The following N4BP2 variants were observed in gnomAD, a reference collection of about 807,000 sequenced individuals.
N4BP2 encodes the protein NEDD4 binding protein 2.
N4BP2 carries 91 observed loss-of-function variants against 152.8 expected under a neutral mutation model. The observed-to-expected ratio is 0.60, with a 90% CI of 0.50 to 0.71. The LOEUF is 0.71. N4BP2 is among the 30% of genes least tolerant of loss of function. The pLI, the probability that N4BP2 is intolerant of heterozygous loss-of-function variation, is 0.00. For missense variants in N4BP2, 1,923 were observed against 2,059.1 expected (o/e 0.93, Z 1.28); for synonymous variants, 646 against 705.3 (o/e 0.92, Z 1.33).
intron 1 of N4BP2, among the ~76,000 whole-genome samples, chr4:40,063,991 T>G (rs907720822): frequency 6.6e-6 from 1 of 150,906 alleles, no homozygotes; most frequent in African/African-American, 2.4e-5. Context: ...CAGGGGGGGG[T>G]CTCACTATGT....
chr4:40,125,455 C>T (rs1490545121), intron 11 of N4BP2, among the ~76,000 whole-genome samples: 1 of 152,208 alleles, frequency 6.6e-6, no homozygotes, highest in Non-Finnish European at 1.5e-5. Context: ...GTGGCCAGAG[C>T]AGACTGTAGC....
At chr4:40,077,265 A>T (rs528152079) in intron 2 of N4BP2, among the ~76,000 whole-genome samples, 1 of 151,420 alleles carries the variant, frequency 6.6e-6, no homozygotes, top group South Asian at 2.1e-4. Flanking sequence ...GGTTCAAGCA[A>T]TTCTCCTGAG....
intron 1 of N4BP2, among the ~76,000 whole-genome samples, chr4:40,073,217 G>A (rs1464732126): frequency 6.6e-6 from 1 of 152,134 alleles, no homozygotes; most frequent in Non-Finnish European, 1.5e-5. Flanking sequence ...CCTGGAATTA[G>A]TGTTCTACTT....
At position 40,114,460 on chromosome 4, in the gene N4BP2, A is replaced by G. The variant is rs143842335; in HGVS notation, c.1664+952A>G. Among the ~76,000 whole-genome samples the G allele has an allele frequency of 2.4e-3, 370 of 152,302 alleles. 1 individual carries two copies. The highest frequency in any genetic ancestry group is 8.6e-3 in the African/African-American group (356 of 41,578). ...GGTTTTCCTGTTGCGTATACTGCATATAAATGGAACATACAATATGTGGCT... is the reference window on the plus strand; with the variant it reads ...GGTTTTCCTGTTGCGTATACTGCATGTAAATGGAACATACAATATGTGGCT... On this transcript the variant is annotated intron_variant, in intron 7 of 17. Coordinates refer to ENST00000261435, the MANE Select transcript of N4BP2 (RefSeq NM_018177.6).
At position 40,120,333 on chromosome 4, in the gene N4BP2, A is replaced by G. The variant is rs967743258; in HGVS notation, c.2222A>G (p.Asn741Ser). 1.2e-6 allele frequency: 2 copies of G among 1,612,574 alleles called. No individual in the cohort carries two copies. Among genetic ancestry groups the G allele is most frequent in the African/African-American group, 2.7e-5 (2 of 74,704 alleles). The change falls in exon 9 of 18, where the codon AAT (asparagine) becomes AGT (serine). Residue 741 changes from asparagine (N) to serine (S), a missense_variant. Asn to Ser is a conservative substitution (Grantham distance 46). Transcript: ENST00000261435. ...AATCAAGAAGACTGTGATCTTGCAA[A>G]TAGTGGACCACTTCAAAATGAAAAA... ...ENNQEDCDLA[N>S]SGPLQNEKSS...
intron 2 of N4BP2, among the ~76,000 whole-genome samples, chr4:40,094,678 G>A (rs1207877602): frequency 6.6e-6 from 1 of 151,804 alleles, no homozygotes. Context: ...TTAGCCTCTC[G>A]AGTAGCTGGG....
Position 40,157,357 on chromosome 4 carries a change from C to T in N4BP2, c.*3120C>T, listed in dbSNP as rs965654398. On this transcript the variant is annotated 3_prime_UTR_variant, in exon 18 of 18. Coordinates refer to ENST00000261435, the MANE Select transcript of N4BP2 (RefSeq NM_018177.6). ...TATAGCAGAAATTTTGACTTTAAAT[C>T]CTCTTGAGTAGTATATTTTGAGAAG... 2 of 151,992 alleles carry T rather than the reference C, an allele frequency of 1.3e-5. No individual in the cohort carries two copies. Among genetic ancestry groups the T allele is most frequent in the Admixed American group, 1.3e-4 (2 of 15,264 alleles). 9.4% of individuals were successfully genotyped at this position (151,992 alleles called of 1,614,324 possible).
chr4:40,186,869 C>T, the N4BP2 span, among the ~76,000 whole-genome samples: 1 of 152,188 alleles, frequency 6.6e-6, no homozygotes, highest in Non-Finnish European at 1.5e-5. Flanking sequence ...GTCATGCCAA[C>T]TGGTATCAAG....
intron 1 of N4BP2, among the ~76,000 whole-genome samples, chr4:40,058,996 T>C (rs1227829521): frequency 6.6e-6 from 1 of 152,106 alleles, no homozygotes; most frequent in Non-Finnish European, 1.5e-5. Flanking sequence ...AATTTTTGTA[T>C]TTTTTGTAGA....
At chr4:40,085,816 A>G (rs1023622302) in intron 2 of N4BP2, among the ~76,000 whole-genome samples, 6 of 152,140 alleles carry the variant, frequency 3.9e-5, no homozygotes, top group African/African-American at 1.2e-4. Flanking sequence ...GAAAGACAAG[A>G]ACTGAGAACT....
At chr4:40,070,991 A>C (rs1362506943) in intron 1 of N4BP2, among the ~76,000 whole-genome samples, 2 of 151,502 alleles carry the variant, frequency 1.3e-5, no homozygotes, top group African/African-American at 4.8e-5. Context: ...TGCCTGGCTA[A>C]TTTTTGTATT....
rs1026013861 is a variant in N4BP2 at position 40,158,044 on chromosome 4, A to G, written c.*3807A>G. The G allele has an allele frequency of 6.6e-6, 1 of 152,200 alleles. No individual in the cohort carries two copies. Among genetic ancestry groups the G allele is most frequent in the Non-Finnish European group, 1.5e-5 (1 of 68,022 alleles). The allele number at this position is 152,200 out of a possible 1,614,324, so 9.4% of individuals were successfully genotyped here. On this transcript the variant is annotated 3_prime_UTR_variant, in exon 18 of 18. Coordinates refer to ENST00000261435, the MANE Select transcript of N4BP2 (RefSeq NM_018177.6). ...ACTGTGAGGCTTCTCATTAAAATAC[A>G]ATATTGCAGCTATCAGTTGGAGAAT...
intron 12 of N4BP2, among the ~76,000 whole-genome samples, chr4:40,128,709 G>A (rs970799400): frequency 6.6e-6 from 1 of 151,716 alleles, no homozygotes; most frequent in South Asian, 2.1e-4. Flanking sequence ...TGTAATTTTA[G>A]TAGAGACAGG....
In N4BP2 at chr4:40,154,391, T is replaced by G; in HGVS notation, c.*154T>G. The G allele has an allele frequency of 2.0e-6, 1 of 506,796 alleles. No homozygotes were observed. The highest frequency in any genetic ancestry group is 3.4e-6 in the Non-Finnish European group (1 of 295,934). 31.4% of individuals were successfully genotyped at this position (506,796 alleles called of 1,614,324 possible). A position where few individuals can be genotyped will look rare whatever the true frequency, so the allele number is the denominator to read the frequency against. On this transcript the variant is annotated 3_prime_UTR_variant, in exon 18 of 18. Coordinates refer to ENST00000261435, the MANE Select transcript of N4BP2 (RefSeq NM_018177.6). ...ATTATGATGTTTTTCAAAATGCAAG[T>G]GAGGTTTGATTTTTTACTGAATCAA...
At chr4:40,127,723 C>T (rs974916956) in intron 12 of N4BP2, among the ~76,000 whole-genome samples, 14 of 151,898 alleles carry the variant, frequency 9.2e-5, no homozygotes, top group Admixed American at 3.9e-4. Context: ...TGCAGTGGTG[C>T]GATCTTGGCT....
chr4:40,088,674 A>G (rs1357646193), intron 2 of N4BP2, among the ~76,000 whole-genome samples: 2 of 151,432 alleles, frequency 1.3e-5, no homozygotes, highest in South Asian at 2.1e-4. Context: ...CTAATTTTGT[A>G]TTTTTACTAG....
intron 14 of N4BP2, among the ~76,000 whole-genome samples, chr4:40,139,489 G>A (rs1018371288): frequency 5.4e-5 from 8 of 148,376 alleles, no homozygotes; most frequent in Admixed American, 2.0e-4. Flanking sequence ...ATCAGCATTA[G>A]GCTTTTTTTT....
intron 2 of N4BP2, among the ~76,000 whole-genome samples, chr4:40,086,899 CA>C (rs1714023637): frequency 6.6e-6 from 1 of 151,972 alleles, no homozygotes; most frequent in South Asian, 2.1e-4. Context: ...AGGTGAACAG[CA>C]CCATGCCTAA....
chr4:40,122,010 A>G lies in N4BP2; in HGVS notation c.3899A>G (p.Asn1300Ser), dbSNP rs773041168. The change falls in exon 9 of 18, where the codon AAT becomes AGT. Residue 1300 changes from asparagine to serine, a missense_variant. Asn to Ser is a conservative substitution (Grantham distance 46). Transcript: ENST00000261435. ...TCTAGTACTTCAAATCTTGAATTAA[A>G]TGAAGAAATTTATTTTACTGATTCT... is the stretch of plus-strand genomic sequence containing the variant. The part of the protein sequence containing the change: ...FVSSTSNLEL[N>S]EEIYFTDSLE... 1.9e-6 allele frequency: 3 copies of G among 1,541,796 alleles called. No homozygotes were observed. The highest frequency in any genetic ancestry group is 2.6e-6 in the Non-Finnish European group (3 of 1,140,032).
Sources: allele counts gnomAD v4.1 joint callset (sites outside exome capture counted in the v4.1 genomes callset), GRCh38; gene constraint gnomAD v4.1.1; transcripts MANE v1.5; gene names NCBI Gene and HGNC (gene_info 2026-07-23, HGNC 2026-07-21).